The following PDE10A variants were observed in gnomAD, a reference collection of about 807,000 sequenced individuals.
PDE10A encodes the protein cAMP and cAMP-inhibited cGMP 3',5'-cyclic phosphodiesterase 10A.
In PDE10A, 39 loss-of-function variants were observed where a neutral mutation model predicts 97.7. That is an observed-to-expected ratio of 0.40 (90% CI 0.31 to 0.52). The LOEUF (loss-of-function observed/expected upper bound fraction) is 0.52. Ranked by LOEUF, PDE10A falls within the 20% of genes least tolerant of loss-of-function variation. The pLI is 0.56. For missense variants in PDE10A, 731 were observed against 1,047.8 expected (o/e 0.70, Z 4.17); for synonymous variants, 371 against 376.8 (o/e 0.98, Z 0.18).
At chr6:165,792,512 T>C (rs369850801) in intron 1 of PDE10A, among the ~76,000 whole-genome samples, 6 of 152,268 alleles carry the variant, frequency 3.9e-5, no homozygotes, top group African/African-American at 1.2e-4. Context: ...TCTAATGCTT[T>C]TGTTTGTCTC....
intron 3 of PDE10A, among the ~76,000 whole-genome samples, chr6:165,480,488 A>C (rs1779541200): frequency 6.6e-6 from 1 of 152,104 alleles, no homozygotes; most frequent in African/African-American, 2.4e-5. Context: ...TAGGAGGCTG[A>C]GGTGGGAGGA....
intron 1 of PDE10A, among the ~76,000 whole-genome samples, chr6:165,557,543 T>A (rs1784316411): frequency 6.6e-6 from 1 of 152,170 alleles, no homozygotes; most frequent in South Asian, 2.1e-4. Context: ...AATACGTTTT[T>A]TAAAAATCAT....
At chr6:165,835,336 T>C (rs1780037201) in intron 1 of PDE10A, among the ~76,000 whole-genome samples, 1 of 152,258 alleles carries the variant, frequency 6.6e-6, no homozygotes, top group African/African-American at 2.4e-5. Context: ...CTTTGGCAGA[T>C]GTGCCATCCC....
chr6:165,416,306 T>C, intron 11 of PDE10A, 25 bp from the exon 12 acceptor site: 1 of 1,417,502 alleles, frequency 7.1e-7, no homozygotes, highest in Non-Finnish European at 1.0e-6. Context: ...GAGAAGGACA[T>C]GCTAATTAAA....
intron 1 of PDE10A, among the ~76,000 whole-genome samples, chr6:165,855,470 C>T (rs1486724096): frequency 6.6e-6 from 1 of 151,554 alleles, no homozygotes; most frequent in African/African-American, 2.4e-5. Flanking sequence ...TCGCCCCTGC[C>T]CCCTAACAGT....
At chr6:165,460,928 G>C (rs1778288927) in intron 3 of PDE10A, among the ~76,000 whole-genome samples, 2 of 152,132 alleles carry the variant, frequency 1.3e-5, no homozygotes, top group Non-Finnish European at 2.9e-5. Context: ...CCAAAAATTA[G>C]GAAATAATTT....
At chr6:165,713,423 G>A (rs1355301628) in intron 1 of PDE10A, among the ~76,000 whole-genome samples, 1 of 152,204 alleles carries the variant, frequency 6.6e-6, no homozygotes, top group Non-Finnish European at 1.5e-5. Flanking sequence ...GTTAGACAGT[G>A]GCATGTGGGG....
chr6:165,569,250 C>T (rs1784933801), intron 1 of PDE10A, among the ~76,000 whole-genome samples: 1 of 152,056 alleles, frequency 6.6e-6, no homozygotes, highest in Non-Finnish European at 1.5e-5. Context: ...TTGTAGGGGC[C>T]TTTTTTTCTC....
intron 1 of PDE10A, chr6:165,946,717 C>T (rs185090844): frequency 2.6e-4 from 40 of 152,122 alleles, no homozygotes; most frequent in Non-Finnish European, 2.5e-4. Context: ...ATTTAAAAAA[C>T]TAATAAATAT....
chr6:165,557,577 CAAAT>C (rs1417358421), intron 1 of PDE10A, among the ~76,000 whole-genome samples: 1 of 152,040 alleles, frequency 6.6e-6, no homozygotes, highest in Non-Finnish European at 1.5e-5. Context: ...AGACTTGAAA[CAAAT>C]AAAAATCACA....
chr6:165,757,332 C>G (rs1793140477), intron 1 of PDE10A, among the ~76,000 whole-genome samples: 1 of 152,064 alleles, frequency 6.6e-6, no homozygotes, highest in Non-Finnish European at 1.5e-5. Flanking sequence ...TTCATTTCAG[C>G]CATTGCCTTT....
Position 165,935,920 on chromosome 6 carries a change from T to C in PDE10A, c.-615+51609A>G, listed in dbSNP as rs564593700. ...TTGGACTTCCCAGCCTCCAGAACTG[T>C]GAGCCAAATAATTTCTATTGTTGAT... On this transcript the variant is annotated intron_variant, in intron 1 of 19. Transcript: ENST00000366882. Among the ~76,000 whole-genome samples, 5 of 152,338 alleles carry C rather than the reference T, an allele frequency of 3.3e-5. No individual in the cohort carries two copies. In the East Asian group the frequency reaches 9.6e-4, roughly 29 times the overall value.
At chr6:165,459,006 TC>T (rs34240546) in intron 3 of PDE10A, among the ~76,000 whole-genome samples, 117,572 of 152,042 alleles carry the variant, frequency 0.77, 45,814 homozygotes, top group Middle Eastern at 0.89. Flanking sequence ...GTACAACAGT[TC>T]CCTCAGCCCG....
chr6:165,366,744 T>C (rs1361299796), intron 18 of PDE10A, among the ~76,000 whole-genome samples: 1 of 152,062 alleles, frequency 6.6e-6, no homozygotes, highest in Non-Finnish European at 1.5e-5. Flanking sequence ...AGTCCCCAAA[T>C]TGGAATTCAT....
At chr6:165,616,469 CG>C (rs1562631304) in intron 1 of PDE10A, among the ~76,000 whole-genome samples, 6 of 151,980 alleles carry the variant, frequency 3.9e-5, no homozygotes. Flanking sequence ...TTTAGAAAAA[CG>C]TTTTTTTTAG....
At chr6:165,580,126 T>C (rs1325755148) in intron 1 of PDE10A, among the ~76,000 whole-genome samples, 1 of 152,240 alleles carries the variant, frequency 6.6e-6, no homozygotes, top group Non-Finnish European at 1.5e-5. Context: ...TTCACTGATA[T>C]ATCACAAGCA....
At chr6:165,984,992 A>G (rs756204974) in intron 1 of PDE10A, among the ~76,000 whole-genome samples, 1 of 152,232 alleles carries the variant, frequency 6.6e-6, no homozygotes, top group Non-Finnish European at 1.5e-5. Context: ...TTGTGACGTC[A>G]AAGGAGAAGA....
intron 10 of PDE10A, among the ~76,000 whole-genome samples, chr6:165,419,538 C>A (rs1203443384): frequency 6.6e-6 from 1 of 152,134 alleles, no homozygotes; most frequent in African/African-American, 2.4e-5. Context: ...ACTAGCTGTT[C>A]CCATGGCCCA....
chr6:165,689,454 T>C (rs1791211289), intron 1 of PDE10A, among the ~76,000 whole-genome samples: 1 of 152,080 alleles, frequency 6.6e-6, no homozygotes, highest in African/African-American at 2.4e-5. Context: ...TGATCCCCAG[T>C]GTTGAAGGTG....
Sources: allele counts gnomAD v4.1 joint callset (sites outside exome capture counted in the v4.1 genomes callset), GRCh38; gene constraint gnomAD v4.1.1; transcripts MANE v1.5; gene names NCBI Gene and HGNC (gene_info 2026-07-23, HGNC 2026-07-21).